The following PASD1 variants were observed in gnomAD, a reference collection of about 807,000 sequenced individuals.
PASD1 encodes the protein PAS domain containing repressor 1, also known as circadian clock protein PASD1.
A neutral mutation model predicts 58.8 loss-of-function variants in PASD1; 13 were observed. That is an observed-to-expected ratio of 0.22 (90% CI 0.14 to 0.35). PASD1 has a LOEUF of 0.35. Ranked by LOEUF, PASD1 falls within the 10% of genes least tolerant of loss-of-function variation. The pLI is 1.00. For synonymous variants in PASD1, 236 were observed against 216.7 expected, an observed-to-expected ratio of 1.09 and a Z score of -0.78; for missense variants, 734 against 568.3, an observed-to-expected ratio of 1.29 and a Z score of -2.96.
In PASD1 at chrX:151,601,410, A is replaced by G. The variant is rs1045642224; in HGVS notation, c.-27-117A>G. 1.8e-5 allele frequency: 9 copies of G among 491,394 alleles called. No homozygotes were observed. The African/African-American group carries it at 1.9e-4, about 10-fold the overall frequency. 40.5% of individuals were successfully genotyped at this position (491,394 alleles called of 1,213,427 possible). A position where few individuals can be genotyped will look rare whatever the true frequency, so the allele number is the denominator to read the frequency against. On this transcript the variant is annotated intron_variant, in intron 1 of 15. Coordinates refer to ENST00000370357, the MANE Select transcript of PASD1 (RefSeq NM_173493.3). ...ATGAAAGCCTATCTTTAAAAGAAGTAGACATTCCTTGAGGGAAAAGTGTTA... is the reference window on the plus strand; with the variant it reads ...ATGAAAGCCTATCTTTAAAAGAAGTGGACATTCCTTGAGGGAAAAGTGTTA...
intron 1 of PASD1, among the ~76,000 whole-genome samples, chrX:151,587,902 A>C (rs1253614819): frequency 8.9e-6 from 1 of 112,101 alleles, no homozygotes; most frequent in Non-Finnish European, 1.9e-5. Flanking sequence ...ATATTGTCTT[A>C]TGAGTTGTAA....
At position 151,672,515 on chromosome X, in the gene PASD1, A is replaced by G; in HGVS notation, c.1770A>G (p.Pro590=). 1 of 1,211,760 alleles carries G rather than the reference A, an allele frequency of 8.3e-7. No homozygotes were observed. Among genetic ancestry groups the G allele is most frequent in the Non-Finnish European group, 1.1e-6 (1 of 895,510 alleles). ...NERVQICLQN[P]RDVSVPLCNH... ...GGGTGCAGATATGCCTGCAAAACCC[A>G]CGTGACGTATCTGTGCCCCTCTGCA... is the stretch of plus-strand genomic sequence containing the variant. The change falls in exon 14 of 16, where the codon CCA becomes CCG. Residue 590 remains proline, a synonymous_variant. Coordinates refer to ENST00000370357, the MANE Select transcript of PASD1 (RefSeq NM_173493.3).
chrX:151,614,145 T>G (rs903909648), intron 4 of PASD1, among the ~76,000 whole-genome samples: 1 of 110,385 alleles, frequency 9.1e-6, no homozygotes, highest in Non-Finnish European at 1.9e-5. Flanking sequence ...TCACCACGCC[T>G]GGCTAATTTT....
chrX:151,599,076 C>T (rs1285351774), intron 1 of PASD1, among the ~76,000 whole-genome samples: 6 of 111,814 alleles, frequency 5.4e-5, no homozygotes, highest in Non-Finnish European at 9.4e-5. Flanking sequence ...CATCTTGCAC[C>T]GCCCTTAATC....
chrX:151,669,279 ATATAT>A (rs2014432695), intron 11 of PASD1, among the ~76,000 whole-genome samples: 1 of 107,342 alleles, frequency 9.3e-6, no homozygotes, highest in Admixed American at 1.0e-4. Context: ...TATACACTAT[ATATAT>A]TATGTTGTAC....
chrX:151,625,055 A>G (rs1478270561), intron 7 of PASD1, among the ~76,000 whole-genome samples: 1 of 111,927 alleles, frequency 8.9e-6, no homozygotes, highest in Non-Finnish European at 1.9e-5. Flanking sequence ...AAGGAACTCT[A>G]TTTGTGTTCT....
At chrX:151,635,030 C>T (rs1332758803) in intron 8 of PASD1, among the ~76,000 whole-genome samples, 1 of 111,570 alleles carries the variant, frequency 9.0e-6, no homozygotes, top group Non-Finnish European at 1.9e-5. Context: ...TTAATTGAAT[C>T]GTTATTTATT....
chrX:151,622,990 G>C lies in PASD1; in HGVS notation c.472G>C (p.Ala158Pro). Residue 158 changes from alanine to proline, a missense_variant, in exon 7 of 16, where the codon GCT becomes CCT. Ala to Pro is a conservative substitution (Grantham distance 27). Coordinates refer to ENST00000370357, the MANE Select transcript of PASD1 (RefSeq NM_173493.3). Reference protein sequence around the residue: ...LFSSHLCADFAACVPQEDRLY... With the variant: ...LFSSHLCADFPACVPQEDRLY... ...TTCCAGCCACCTCTGTGCTGACTTTGCTGCATGTGTTCCTCAGGAGGATCG... is the reference window on the plus strand; with the variant it reads ...TTCCAGCCACCTCTGTGCTGACTTTCCTGCATGTGTTCCTCAGGAGGATCG... The C allele has an allele frequency of 1.7e-6, 2 of 1,209,047 alleles. No homozygotes were observed. Among genetic ancestry groups the C allele is most frequent in the Non-Finnish European group, 2.2e-6 (2 of 893,198 alleles).
rs745913707 is a variant in PASD1, at chrX:151,672,305, G to C, written c.1560G>C (p.Lys520Asn). 1 of 1,169,872 alleles carries C rather than the reference G, an allele frequency of 8.5e-7. No homozygotes were observed. The highest frequency in any genetic ancestry group is 1.1e-6 in the Non-Finnish European group (1 of 874,350). ...AGAAGAAGATGCAGGAGAAGAAGAA[G>C]CTGCAGGAGCAGAAAATGCAGGAGA... is the stretch of plus-strand genomic sequence containing the variant. Reference protein sequence around the residue: ...QKQKKMQEKKKLQEQKMQEKK... With the variant: ...QKQKKMQEKKNLQEQKMQEKK... Residue 520 changes from lysine (K) to asparagine (N), a missense_variant, in exon 14 of 16, where the codon AAG (lysine) becomes AAC (asparagine). Coordinates refer to ENST00000370357, the MANE Select transcript of PASD1 (RefSeq NM_173493.3).
intron 4 of PASD1, among the ~76,000 whole-genome samples, chrX:151,612,966 C>A (rs1384622798): frequency 8.9e-6 from 1 of 111,785 alleles, no homozygotes; most frequent in Non-Finnish European, 1.9e-5. Context: ...ACATTTAAGT[C>A]TTTAAACCAT....
intron 11 of PASD1, among the ~76,000 whole-genome samples, chrX:151,666,712 A>G (rs2014387769): frequency 1.0e-5 from 1 of 96,062 alleles, no homozygotes; most frequent in Non-Finnish European, 2.1e-5. Flanking sequence ...AAGGACATGA[A>G]CTCATCATTT....
In PASD1 at chrX:151,673,610, C is replaced by T. The variant is rs944367014; in HGVS notation, c.1917-318C>T. ...CTTACAGTCTCTGCTCAGCCATTAG[C>T]TCCCTGAGTGCTTTCAAAGTAGGTG... On this transcript the variant is annotated intron_variant, in intron 14 of 15. Coordinates refer to ENST00000370357, the MANE Select transcript of PASD1 (RefSeq NM_173493.3). The T allele has an allele frequency of 9.4e-5, 31 of 329,060 alleles. No homozygotes were observed. The Admixed American group carries it at 1.5e-3, about 16-fold the overall frequency. The allele number at this position is 329,060 out of a possible 1,213,427, so 27.1% of individuals were successfully genotyped here.
At position 151,676,315 on chromosome X, in the gene PASD1, C is replaced by CTTAA; in HGVS notation, c.*172_*173insTTAA. Reference sequence around the variant, plus strand: ...GTTTGTAATTGTTTGTTAAGCACAGCCTGTTTCTTGGAAGTTATGCTGTAG... The same window carrying CTTAA: ...GTTTGTAATTGTTTGTTAAGCACAGCTTAACTGTTTCTTGGAAGTTATGCTGTAG... On this transcript the variant is annotated 3_prime_UTR_variant, in exon 16 of 16. Coordinates refer to ENST00000370357, the MANE Select transcript of PASD1 (RefSeq NM_173493.3). The CTTAA allele has an allele frequency of 2.0e-6, 1 of 496,146 alleles. No individual in the cohort carries two copies. The highest frequency in any genetic ancestry group is 3.1e-6 in the Non-Finnish European group (1 of 322,743). 40.9% of individuals were successfully genotyped at this position (496,146 alleles called of 1,213,427 possible).
chrX:151,645,634 G>T (rs764944438), intron 8 of PASD1: 1 of 111,762 alleles, frequency 8.9e-6, no homozygotes, highest in African/African-American at 3.3e-5. Flanking sequence ...TTATTTTTAC[G>T]TAACTACAAC....
At chrX:151,573,960 G>T in intron 1 of PASD1, among the ~76,000 whole-genome samples, 1 of 112,256 alleles carries the variant, frequency 8.9e-6, no homozygotes, top group South Asian at 3.7e-4. Context: ...TGAACTTCTT[G>T]TATTTCCCCT....
intron 1 of PASD1, among the ~76,000 whole-genome samples, chrX:151,586,265 C>A (rs1226190101): frequency 8.9e-6 from 1 of 112,150 alleles, no homozygotes; most frequent in Non-Finnish European, 1.9e-5. Flanking sequence ...ATCAGTTGGG[C>A]CTCCAAAATA....
At chrX:151,589,227 C>T (rs998334902) in intron 1 of PASD1, among the ~76,000 whole-genome samples, 4 of 111,280 alleles carry the variant, frequency 3.6e-5, no homozygotes, top group South Asian at 3.9e-4. Context: ...GCACATTACG[C>T]GGGCATACAT....
At chrX:151,576,019 A>G (rs2012999000) in intron 1 of PASD1, among the ~76,000 whole-genome samples, 1 of 60,996 alleles carries the variant, frequency 1.6e-5, no homozygotes, top group Admixed American at 2.3e-4. Context: ...ACCTGCCACC[A>G]TACCTAATTT....
intron 8 of PASD1, among the ~76,000 whole-genome samples, chrX:151,635,894 A>G (rs1039870449): frequency 1.8e-5 from 2 of 111,701 alleles, no homozygotes; most frequent in Admixed American, 9.5e-5. Flanking sequence ...TACAAAAATG[A>G]TAAGTATGTG....
Sources: gnomAD v4.1 joint callset for allele counts (sites outside exome capture counted in the v4.1 genomes callset) on GRCh38, gnomAD v4.1.1 for gene constraint, MANE v1.5 for transcripts, NCBI Gene and HGNC (gene_info 2026-07-23, HGNC 2026-07-21) for gene names.